Variants in SNX29 observed in about 807,000 individuals in gnomAD.
SNX29 encodes sorting nexin 29, also known as sorting nexin-29.
In SNX29, 78 loss-of-function variants were observed where a neutral mutation model predicts 102.1. That is an observed-to-expected ratio of 0.76 (90% CI 0.64 to 0.92). The LOEUF is 0.92. SNX29 is among the 40% of genes least tolerant of loss of function. SNX29 has a pLI of 0.00. For missense variants in SNX29, 1,280 were observed against 1,061.7 expected (o/e 1.21, Z -2.86); for synonymous variants, 580 against 414.5 (o/e 1.40, Z -4.85).
At chr16:12,323,884 C>T (rs2081037142) in intron 15 of SNX29, among the ~76,000 whole-genome samples, 1 of 152,096 alleles carries the variant, frequency 6.6e-6, no homozygotes, top group African/African-American at 2.4e-5. Flanking sequence ...TAAGTACTAA[C>T]TTTTATTATT....
At chr16:12,183,385 T>C (rs1239521301) in intron 13 of SNX29, among the ~76,000 whole-genome samples, 2 of 152,210 alleles carry the variant, frequency 1.3e-5, no homozygotes, top group African/African-American at 4.8e-5. Context: ...TAAACTTGGA[T>C]GTACCTACCG....
chr16:12,074,332 G>T (rs1433232515), intron 10 of SNX29, among the ~76,000 whole-genome samples: 1 of 151,906 alleles, frequency 6.6e-6, no homozygotes, highest in African/African-American at 2.4e-5. Flanking sequence ...CATGTTTAGT[G>T]CCTCCTTCAG....
At chr16:12,396,167 CAG>C (rs919006993) in intron 16 of SNX29, among the ~76,000 whole-genome samples, 1 of 152,228 alleles carries the variant, frequency 6.6e-6, no homozygotes, top group African/African-American at 2.4e-5. Flanking sequence ...CCCCACCCCT[CAG>C]GGGAAACTTA....
chr16:12,308,266 C>T (rs887549891), intron 15 of SNX29, among the ~76,000 whole-genome samples: 1 of 152,218 alleles, frequency 6.6e-6, no homozygotes, highest in African/African-American at 2.4e-5. Flanking sequence ...CACAGAATCA[C>T]CTGCTCATGG....
chr16:12,154,258 G>A (rs138530368), intron 13 of SNX29, among the ~76,000 whole-genome samples: 6 of 152,220 alleles, frequency 3.9e-5, no homozygotes, highest in Admixed American at 3.3e-4. Context: ...CACAGAAGGA[G>A]AAAAAACACA....
At chr16:12,229,855 A>G (rs1461081896) in intron 14 of SNX29, among the ~76,000 whole-genome samples, 2 of 152,142 alleles carry the variant, frequency 1.3e-5, no homozygotes, top group African/African-American at 2.4e-5. Context: ...GCTCTGTCTC[A>G]TACTGGTCTG....
In SNX29 at chr16:12,570,398, T is replaced by C. The variant is rs1001411638; in HGVS notation, c.*1769T>C. On this transcript the variant is annotated 3_prime_UTR_variant, in exon 21 of 21. Coordinates refer to ENST00000566228, the MANE Select transcript of SNX29 (RefSeq NM_032167.5). ...TTTATCTGAAATTCCAAGGCCAGAG[T>C]GCACATCAGCTCACATGACTGGCAA... 3.2e-6 allele frequency: 1 copy of C among 309,276 alleles called. No individual in the cohort carries two copies. The highest frequency in any genetic ancestry group is 5.3e-6 in the Non-Finnish European group (1 of 187,768). 19.2% of individuals were successfully genotyped at this position (309,276 alleles called of 1,614,324 possible).
chr16:12,397,225 T>A (rs573357006), intron 16 of SNX29, among the ~76,000 whole-genome samples: 14 of 152,358 alleles, frequency 9.2e-5, no homozygotes, highest in African/African-American at 3.4e-4. Flanking sequence ...CCTTCTAATG[T>A]GTCCTAACCT....
chr16:12,525,628 G>A (rs2076758866), intron 20 of SNX29, among the ~76,000 whole-genome samples: 1 of 151,654 alleles, frequency 6.6e-6, no homozygotes, highest in Non-Finnish European at 1.5e-5. Flanking sequence ...GGAGGCAGAG[G>A]TTGCAGTGAG....
chr16:12,208,844 A>T (rs200943070), intron 14 of SNX29, among the ~76,000 whole-genome samples: 1 of 10,026 alleles, frequency 1.0e-4, no homozygotes, highest in Non-Finnish European at 2.9e-3. Context: ...ATGTCTCTTT[A>T]AAAAAAAAAA....
chr16:12,568,752 G>C lies in SNX29; in HGVS notation c.*123G>C, dbSNP rs183513916. 19 of 1,394,434 alleles carry C rather than the reference G, an allele frequency of 1.4e-5. No homozygotes were observed. The Middle Eastern group carries it at 1.0e-3, about 76-fold the overall frequency. The allele number at this position is 1,394,434 out of a possible 1,614,324, so 86.4% of individuals were successfully genotyped here. A position where few individuals can be genotyped will look rare whatever the true frequency, so the allele number is the denominator to read the frequency against. ...CCACCTGGTGATCCTGAGAGCACAC[G>C]ATTCCCAACAGTTACACAACACCCC... On this transcript the variant is annotated 3_prime_UTR_variant, in exon 21 of 21. Coordinates refer to ENST00000566228, the MANE Select transcript of SNX29 (RefSeq NM_032167.5).
intron 16 of SNX29, among the ~76,000 whole-genome samples, chr16:12,395,938 C>T (rs1045909763): frequency 2.6e-5 from 4 of 152,220 alleles, no homozygotes; most frequent in South Asian, 2.1e-4. Context: ...GCATTTGCTA[C>T]AGTGCCTGGC....
intron 16 of SNX29, among the ~76,000 whole-genome samples, chr16:12,389,553 T>G (rs989397231): frequency 6.6e-6 from 1 of 152,174 alleles, no homozygotes; most frequent in Non-Finnish European, 1.5e-5. Context: ...GTGAGTCCAT[T>G]AAACCTCTTT....
chr16:12,559,763 ACT>A (rs1047565513), intron 20 of SNX29, among the ~76,000 whole-genome samples: 4 of 152,088 alleles, frequency 2.6e-5, no homozygotes, highest in South Asian at 2.1e-4. Flanking sequence ...GACAGCAGTC[ACT>A]CTGAAAGCAT....
In SNX29 at chr16:12,442,044, T is replaced by A. The variant is rs558461097; in HGVS notation, c.2038-35675T>A. ...ATCTGGCCACCTCAGCCTCCCAAAG[T>A]GCTGGGATTACAGGTGTGAGCCACC... On this transcript the variant is annotated intron_variant, in intron 18 of 20. Coordinates refer to ENST00000566228, the MANE Select transcript of SNX29 (RefSeq NM_032167.5). Among the ~76,000 whole-genome samples the A allele has an allele frequency of 6.6e-5, 10 of 152,318 alleles. No individual in the cohort carries two copies. The East Asian group carries it at 1.9e-3, about 29-fold the overall frequency.
chr16:12,158,512 C>T (rs973228498), intron 13 of SNX29, among the ~76,000 whole-genome samples: 2 of 152,176 alleles, frequency 1.3e-5, no homozygotes, highest in Non-Finnish European at 2.9e-5. Flanking sequence ...TTTTAATTGT[C>T]ACAGATGTGG....
intron 14 of SNX29, among the ~76,000 whole-genome samples, chr16:12,221,497 G>A (rs79276222): frequency 6.6e-6 from 1 of 152,278 alleles, no homozygotes; most frequent in Non-Finnish European, 1.5e-5. Flanking sequence ...ATCTGTAATT[G>A]CAGCTACTTG....
At chr16:12,330,245 T>C (rs1392783923) in intron 15 of SNX29, among the ~76,000 whole-genome samples, 3 of 152,184 alleles carry the variant, frequency 2.0e-5, no homozygotes, top group African/African-American at 7.2e-5. Context: ...TTAACCTCTC[T>C]GTGCCTGTTT....
At chr16:12,483,335 C>G (rs79710449) in intron 19 of SNX29, among the ~76,000 whole-genome samples, 22,068 of 127,796 alleles carry the variant, frequency 0.17, 2,405 homozygotes, top group African/African-American at 0.32. Flanking sequence ...TTTTTTTTTT[C>G]CAGACGGAGT....
Sources: gnomAD v4.1 joint callset for allele counts (sites outside exome capture counted in the v4.1 genomes callset) on GRCh38, gnomAD v4.1.1 for gene constraint, MANE v1.5 for transcripts, NCBI Gene and HGNC (gene_info 2026-07-23, HGNC 2026-07-21) for gene names.